The following ARL15 variants were observed in gnomAD, a reference collection of about 807,000 sequenced individuals.
The protein encoded by ARL15 is ADP-ribosylation factor-like protein 15.
ARL15 carries 19 observed loss-of-function variants against 25.2 expected under a neutral mutation model. The observed-to-expected ratio is 0.75, with a 90% CI of 0.53 to 1.10. The LOEUF (loss-of-function observed/expected upper bound fraction) is 1.10. Ranked by LOEUF, ARL15 falls within the 50% of genes least tolerant of loss-of-function variation. The pLI, the probability that ARL15 is intolerant of heterozygous loss-of-function variation, is 0.00. For synonymous variants in ARL15, 94 were observed against 86.8 expected, an observed-to-expected ratio of 1.08 and a Z score of -0.46; for missense variants, 220 against 246.0, an observed-to-expected ratio of 0.89 and a Z score of 0.71.
At chr5:54,283,144 A>T (rs1290202434) in intron 1 of ARL15, among the ~76,000 whole-genome samples, 3 of 152,222 alleles carry the variant, frequency 2.0e-5, no homozygotes, top group Non-Finnish European at 4.4e-5. Flanking sequence ...TGTGGCAAGG[A>T]GGCAAAGACA....
intron 3 of ARL15, among the ~76,000 whole-genome samples, chr5:54,131,402 G>C (rs532922128): frequency 3.3e-5 from 5 of 151,924 alleles, no homozygotes; most frequent in Non-Finnish European, 7.4e-5. Context: ...CTCCTCCTGG[G>C]GATCTACTTT....
chr5:53,906,321 G>A (rs1745249508), intron 4 of ARL15, among the ~76,000 whole-genome samples: 2 of 152,178 alleles, frequency 1.3e-5, no homozygotes, highest in South Asian at 4.1e-4. Context: ...CCGGTAGGTT[G>A]CAGGGCTTGG....
chr5:53,959,437 A>C (rs1360695728), intron 4 of ARL15, among the ~76,000 whole-genome samples: 3 of 152,162 alleles, frequency 2.0e-5, no homozygotes. Context: ...GCCTTCACAG[A>C]GGTCATATTT....
chr5:54,076,791 C>CTT lies in ARL15; in HGVS notation c.462+36409_462+36410dup, dbSNP rs35506215. 3.4e-3 allele frequency among the ~76,000 whole-genome samples: 510 copies of CTT among 149,324 alleles called. 1 individual carries two copies. The highest frequency in any genetic ancestry group is 0.017 in the Middle Eastern group (5 of 286). ...GTTAATAGAGTCCAATGTAGGAGTG[C>CTT]TTTTTTTTTTAATCCCCCAAACTAT... On this transcript the variant is annotated intron_variant, in intron 4 of 4. Coordinates refer to ENST00000504924, the MANE Select transcript of ARL15 (RefSeq NM_019087.3).
chr5:53,886,375 G>T lies in ARL15; in HGVS notation c.*186C>A. 1.6e-6 allele frequency: 1 copy of T among 617,110 alleles called. No individual in the cohort carries two copies. 38.2% of individuals were successfully genotyped at this position (617,110 alleles called of 1,614,324 possible). A position where few individuals can be genotyped will look rare whatever the true frequency, so the allele number is the denominator to read the frequency against. On this transcript the variant is annotated 3_prime_UTR_variant, in exon 5 of 5. Transcript: ENST00000504924. ...TCTCTCTCAGTAGTGTGTACTTGAC[G>T]TTAATGCCGATGATAATTCATCTGA... is the stretch of plus-strand genomic sequence containing the variant.
intron 1 of ARL15, among the ~76,000 whole-genome samples, chr5:54,276,510 A>G (rs1757934599): frequency 6.6e-6 from 1 of 152,204 alleles, no homozygotes; most frequent in African/African-American, 2.4e-5. Flanking sequence ...TTTCTCTAGA[A>G]GAGGACAGAT....
At chr5:54,242,325 T>G (rs1324168127) in intron 1 of ARL15, among the ~76,000 whole-genome samples, 1 of 152,162 alleles carries the variant, frequency 6.6e-6, no homozygotes. Context: ...GGGAAAGGCC[T>G]TCTATACTTT....
intron 4 of ARL15, among the ~76,000 whole-genome samples, chr5:53,916,848 A>G (rs940080428): frequency 2.0e-5 from 3 of 152,182 alleles, no homozygotes; most frequent in Non-Finnish European, 2.9e-5. Context: ...AAACATCCCA[A>G]CATTTGATGT....
rs1472501743 is a variant in ARL15 at position 53,948,255 on chromosome 5, TAC to T, written c.463-61544_463-61543del. ...TAAGTGTCCAAAATAAAGTTGGAACTACTGTAGTAGGTTCCTTAACAAATATT... is the reference window on the plus strand; with the variant it reads ...TAAGTGTCCAAAATAAAGTTGGAACTTGTAGTAGGTTCCTTAACAAATATT... On this transcript the variant is annotated intron_variant, in intron 4 of 4. Coordinates refer to ENST00000504924, the MANE Select transcript of ARL15 (RefSeq NM_019087.3). Among the ~76,000 whole-genome samples, 681 of 152,372 alleles carry T rather than the reference TAC, an allele frequency of 4.5e-3. 7 individuals carry two copies. Among genetic ancestry groups the T allele is most frequent in the African/African-American group, 0.016 (653 of 41,588 alleles).
intron 4 of ARL15, among the ~76,000 whole-genome samples, chr5:54,038,458 G>T (rs1180508899): frequency 6.6e-6 from 1 of 151,350 alleles, no homozygotes; most frequent in African/African-American, 2.4e-5. Flanking sequence ...CCAAACAGAG[G>T]CATTCCAAAA....
chr5:53,937,319 C>A (rs985576588), intron 4 of ARL15, among the ~76,000 whole-genome samples: 1 of 147,056 alleles, frequency 6.8e-6, no homozygotes, highest in Non-Finnish European at 1.5e-5. Context: ...ACACACACAG[C>A]CTGATGTGGA....
At chr5:54,205,073 T>A (rs1755830793) in intron 1 of ARL15, among the ~76,000 whole-genome samples, 1 of 152,020 alleles carries the variant, frequency 6.6e-6, no homozygotes, top group South Asian at 2.1e-4. Flanking sequence ...TAGCTGGGAT[T>A]TACGGGTGTG....
At chr5:53,913,470 G>C (rs757909882) in intron 4 of ARL15, among the ~76,000 whole-genome samples, 7 of 152,112 alleles carry the variant, frequency 4.6e-5, no homozygotes, top group Non-Finnish European at 1.0e-4. Flanking sequence ...CTTGTGAGTG[G>C]TAGTTTAGCT....
At chr5:54,240,140 T>C (rs1424813388) in intron 1 of ARL15, among the ~76,000 whole-genome samples, 4 of 150,492 alleles carry the variant, frequency 2.7e-5, no homozygotes, top group South Asian at 2.1e-4. Context: ...GGCAGGAGAA[T>C]GGCATGAACC....
intron 1 of ARL15, among the ~76,000 whole-genome samples, chr5:54,245,716 T>C (rs1445387353): frequency 6.6e-6 from 1 of 152,110 alleles, no homozygotes; most frequent in Non-Finnish European, 1.5e-5. Flanking sequence ...GCCTCCCAAG[T>C]AGCTGGGATT....
chr5:54,208,412 ACAC>A (rs770542724), intron 1 of ARL15, among the ~76,000 whole-genome samples: 137 of 151,992 alleles, frequency 9.0e-4, no homozygotes, highest in Non-Finnish European at 3.4e-4. Context: ...GCGCACACAC[ACAC>A]GCACACACAC....
intron 1 of ARL15, among the ~76,000 whole-genome samples, chr5:54,243,235 T>C (rs944884733): frequency 3.9e-5 from 6 of 152,240 alleles, no homozygotes; most frequent in African/African-American, 1.4e-4. Context: ...TGGTAGTATC[T>C]TTTGAGAAAA....
At chr5:54,095,482 A>T (rs1752257887) in intron 4 of ARL15, among the ~76,000 whole-genome samples, 1 of 152,136 alleles carries the variant, frequency 6.6e-6, no homozygotes, top group Non-Finnish European at 1.5e-5. Flanking sequence ...ACGTGAATGA[A>T]TGGAGGTTGA....
chr5:54,223,771 C>G (rs1756441796), intron 1 of ARL15, among the ~76,000 whole-genome samples: 2 of 152,044 alleles, frequency 1.3e-5, no homozygotes, highest in African/African-American at 4.8e-5. Context: ...TACAATCTAC[C>G]TCCACGGTCT....
Sources: allele counts gnomAD v4.1 joint callset (sites outside exome capture counted in the v4.1 genomes callset), GRCh38; gene constraint gnomAD v4.1.1; transcripts MANE v1.5; gene names NCBI Gene and HGNC (gene_info 2026-07-23, HGNC 2026-07-21).